Variants in PRR12 observed in about 807,000 individuals in gnomAD.
The protein encoded by PRR12 is proline rich 12, also known as proline-rich protein 12.
Under a neutral mutation model 138.0 loss-of-function variants are expected in PRR12, and 12 were observed. The ratio of observed to expected loss-of-function variants is 0.09; its 90% CI spans 0.06 to 0.14. The LOEUF is 0.14. Ranked by LOEUF, PRR12 falls within the 10% of genes least tolerant of loss-of-function variation. PRR12 has a pLI of 1.00. For missense variants in PRR12, 2,692 were observed against 2,861.3 expected, an observed-to-expected ratio of 0.94 and a Z score of 1.35; for synonymous variants, 1,567 against 1,291.7, an observed-to-expected ratio of 1.21 and a Z score of -4.57.
At chr19:49,604,647 C>T (rs975854883) in intron 6 of PRR12, among the ~76,000 whole-genome samples, 3 of 152,002 alleles carry the variant, frequency 2.0e-5, no homozygotes, top group African/African-American at 4.8e-5. Flanking sequence ...CACTGCACTC[C>T]AGCCTGGGCC....
At chr19:49,612,661 C>T (rs1339105282) in intron 6 of PRR12, among the ~76,000 whole-genome samples, 2 of 151,996 alleles carry the variant, frequency 1.3e-5, no homozygotes, top group African/African-American at 4.8e-5. Flanking sequence ...ATGGCTTCCT[C>T]AAGCTGCTGC....
At position 49,616,625 on chromosome 19, in the gene PRR12, A is replaced by C. The variant is rs937401075; in HGVS notation, c.5497+406A>C. Among the ~76,000 whole-genome samples the C allele has an allele frequency of 2.0e-5, 3 of 152,152 alleles. No homozygotes were observed. The highest frequency in any genetic ancestry group is 7.2e-5 in the African/African-American group (3 of 41,442). On this transcript the variant is annotated intron_variant, in intron 9 of 13. Transcript: ENST00000418929. This position sits in a 1 kb window ranked among gnomAD's most constrained non-coding sequence, Gnocchi z 4.2. ...GGCTGAGGAAGATGTGGGACTAGGC[A>C]GCTGTCCTGGAGGCTCTGTGATGGT...
intron 6 of PRR12, among the ~76,000 whole-genome samples, chr19:49,603,065 C>G (rs2080820584): frequency 6.6e-6 from 1 of 152,244 alleles, no homozygotes; most frequent in Admixed American, 6.5e-5. Flanking sequence ...TCCCATATGG[C>G]AGAGAGCTGG....
Position 49,596,840 on chromosome 19 carries a change from A to ACCACCCCCCCCC in PRR12, c.2507_2508insACCCCCCCCCCC (p.Pro842_Pro845dup). ...CCACCCGCGATGGGGCACCCCAGCC[A>ACCACCCCCCCCC]CCTCCACCGCCACCCCCGCCTCCAC... On this transcript the variant is annotated inframe_insertion, in exon 4 of 14. Coordinates refer to ENST00000418929, the MANE Select transcript of PRR12 (RefSeq NM_020719.3). The surrounding 1 kb of genome is among the most constrained non-coding windows in gnomAD (Gnocchi z 5.6). The ACCACCCCCCCCC allele has an allele frequency of 6.4e-7, 1 of 1,573,740 alleles. No individual in the cohort carries two copies. The highest frequency in any genetic ancestry group is 8.6e-7 in the Non-Finnish European group (1 of 1,166,576).
chr19:49,614,999 G>A lies in PRR12; in HGVS notation c.5014G>A (p.Val1672Met). 6.2e-7 allele frequency: 1 copy of A among 1,613,974 alleles called. No individual in the cohort carries two copies. Among genetic ancestry groups the A allele is most frequent in the Admixed American group, 1.7e-5 (1 of 60,024 alleles). ...TCGGAAACCCTGGCATCGGCCCCCA[G>A]TGCCAGTCAGGTACCAACCATGGGG... is the stretch of plus-strand genomic sequence containing the variant. ...CARKPWHRPP[V>M]PVRRSGQAKN... Residue 1672 changes from valine to methionine, a missense_variant, in exon 8 of 14, where the codon GTG (valine) becomes ATG (methionine). Physicochemically the swap from Val to Met is conservative, Grantham distance 21. Transcript: ENST00000418929. This position sits in a 1 kb window ranked among gnomAD's most constrained non-coding sequence, Gnocchi z 5.0.
Position 49,626,392 on chromosome 19 carries a change from C to T in PRR12, c.*785C>T, listed in dbSNP as rs2080956301. ...TTCTGTACAACTCAACTTGTATACA[C>T]TGTGTACACACAACCAGCCAAACGA... On this transcript the variant is annotated 3_prime_UTR_variant, in exon 14 of 14. Coordinates refer to ENST00000418929, the MANE Select transcript of PRR12 (RefSeq NM_020719.3). 1 of 152,254 alleles carries T rather than the reference C, an allele frequency of 6.6e-6. No homozygotes were observed. The highest frequency in any genetic ancestry group is 1.5e-5 in the Non-Finnish European group (1 of 68,132). The allele number at this position is 152,254 out of a possible 1,614,324, so 9.4% of individuals were successfully genotyped here. A position where few individuals can be genotyped will look rare whatever the true frequency, so the allele number is the denominator to read the frequency against.
chr19:49,612,968 C>G (rs1307412611), intron 6 of PRR12, among the ~76,000 whole-genome samples: 2 of 151,954 alleles, frequency 1.3e-5, no homozygotes, highest in Admixed American at 6.6e-5. Flanking sequence ...GCCTGGCCCC[C>G]CTTTTAAAGA....
chr19:49,623,375 C>T (rs1447021030), intron 11 of PRR12, among the ~76,000 whole-genome samples: 31 of 151,768 alleles, frequency 2.0e-4, no homozygotes, highest in Non-Finnish European at 2.1e-4. Context: ...TTGGTAATCC[C>T]AGCACTCTAG....
Position 49,595,325 on chromosome 19 carries a change from C to A in PRR12, c.990C>A (p.Ala330=). The A allele has an allele frequency of 3.9e-6, 6 of 1,544,788 alleles. No individual in the cohort carries two copies. The highest frequency in any genetic ancestry group is 4.4e-6 in the Non-Finnish European group (5 of 1,145,630). Residue 330 remains alanine, a synonymous_variant, in exon 4 of 14, where the codon GCC becomes GCA. Coordinates refer to ENST00000418929, the MANE Select transcript of PRR12 (RefSeq NM_020719.3). ...CCATGGGCCACCGGGCCAACCTGGCCTGCAGCCCCCTGGGTGGTGGGGAGC... is the reference window on the plus strand; with the variant it reads ...CCATGGGCCACCGGGCCAACCTGGCATGCAGCCCCCTGGGTGGTGGGGAGC... ...YPSMGHRANL[A]CSPLGGGEPS... is the part of the protein sequence containing the mutation.
chr19:49,597,330 T>C lies in PRR12; in HGVS notation c.2995T>C (p.Ser999Pro). The change falls in exon 4 of 14, where the codon TCG becomes CCG. Residue 999 changes from serine (S) to proline (P), a missense_variant. By Grantham distance (74) the Ser-to-Pro change is moderately conservative. Coordinates refer to ENST00000418929, the MANE Select transcript of PRR12 (RefSeq NM_020719.3). The surrounding 1 kb of genome is among the most constrained non-coding windows in gnomAD (Gnocchi z 6.3). ...PYGPYCPGRA[S>P]GAGPETPGLG... ...TGGGCCCTACTGTCCTGGCCGGGCGTCGGGAGCCGGGCCCGAGACACCGGG... is the reference window on the plus strand; with the variant it reads ...TGGGCCCTACTGTCCTGGCCGGGCGCCGGGAGCCGGGCCCGAGACACCGGG... 6.5e-7 allele frequency: 1 copy of C among 1,544,354 alleles called. No individual in the cohort carries two copies. The highest frequency in any genetic ancestry group is 1.2e-5 in the South Asian group (1 of 84,288).
chr19:49,623,408 G>A (rs1202265018), intron 11 of PRR12, among the ~76,000 whole-genome samples: 3 of 151,988 alleles, frequency 2.0e-5, no homozygotes, highest in Non-Finnish European at 4.4e-5. Flanking sequence ...GGTGGATCAC[G>A]AGGTCAGGAG....
chr19:49,621,597 G>A lies in PRR12; in HGVS notation c.5696G>A (p.Arg1899Gln), dbSNP rs761656089. The A allele has an allele frequency of 3.4e-5, 54 of 1,599,672 alleles. No individual in the cohort carries two copies. The highest frequency in any genetic ancestry group is 4.4e-5 in the Non-Finnish European group (52 of 1,173,740). Reference protein sequence around the residue: ...LNEHKKKVLKRLSLSPALQDA... With the variant: ...LNEHKKKVLKQLSLSPALQDA... ...GAGCACAAGAAGAAAGTCCTGAAGC[G>A]GCTGTCGCTAAGCCCAGCCCTGCAG... The change falls in exon 11 of 14, where the codon CGG (arginine) becomes CAG (glutamine). Residue 1899 changes from arginine to glutamine, a missense_variant. Arg to Gln is a conservative substitution (Grantham distance 43). Transcript: ENST00000418929.
chr19:49,601,581 A>G lies in PRR12; in HGVS notation c.4436A>G (p.Gln1479Arg). ...CCTCCGCCACCCCCTCCGCCGCCAC[A>G]GCCAGCCCTGCCCTCGCCACCCCCG... ...PQPPPPPPPP[Q>R]PALPSPPPLV... Residue 1479 changes from glutamine to arginine, a missense_variant, in exon 6 of 14, where the codon CAG becomes CGG. Gln to Arg is a conservative substitution (Grantham distance 43). This residue lies in a region of PRR12 where 231 missense variants were observed against 200.8 expected (regional missense o/e 1.15). Coordinates refer to ENST00000418929, the MANE Select transcript of PRR12 (RefSeq NM_020719.3). 1 of 1,499,984 alleles carries G rather than the reference A, an allele frequency of 6.7e-7. No homozygotes were observed. Among genetic ancestry groups the G allele is most frequent in the Non-Finnish European group, 8.9e-7 (1 of 1,123,226 alleles). 92.9% of individuals were successfully genotyped at this position (1,499,984 alleles called of 1,614,324 possible). A position where few individuals can be genotyped will look rare whatever the true frequency, so the allele number is the denominator to read the frequency against.
intron 5 of PRR12, among the ~76,000 whole-genome samples, chr19:49,600,546 G>A (rs2122313351): frequency 1.3e-5 from 2 of 151,806 alleles, no homozygotes; most frequent in East Asian, 3.9e-4. Flanking sequence ...AGCACACTTT[G>A]GGAGGCTGAG....
Position 49,595,318 on chromosome 19 carries a change from A to G in PRR12, c.983A>G (p.Asn328Ser). The change falls in exon 4 of 14, where the codon AAC becomes AGC. Residue 328 changes from asparagine (N) to serine (S), a missense_variant. This residue lies in a region of PRR12 where 523 missense variants were observed against 496.4 expected (regional missense o/e 1.05). Transcript: ENST00000418929. The part of the protein sequence containing the change: ...GSYPSMGHRA[N>S]LACSPLGGGE... Reference sequence around the variant, plus strand: ...TACCCCTCCATGGGCCACCGGGCCAACCTGGCCTGCAGCCCCCTGGGTGGT... The same window carrying G: ...TACCCCTCCATGGGCCACCGGGCCAGCCTGGCCTGCAGCCCCCTGGGTGGT... The G allele has an allele frequency of 6.5e-7, 1 of 1,545,114 alleles. No homozygotes were observed. Among genetic ancestry groups the G allele is most frequent in the Non-Finnish European group, 8.7e-7 (1 of 1,145,936 alleles).
chr19:49,601,639 A>G lies in PRR12; in HGVS notation c.4494A>G (p.Pro1498=), dbSNP rs2080811300. The G allele has an allele frequency of 7.8e-6, 12 of 1,529,594 alleles. No homozygotes were observed. The highest frequency in any genetic ancestry group is 2.5e-5 in the East Asian group (1 of 40,544). The allele number at this position is 1,529,594 out of a possible 1,614,324, so 94.8% of individuals were successfully genotyped here. The change falls in exon 6 of 14, where the codon CCA becomes CCG. Residue 1498 remains proline, a synonymous_variant. Transcript: ENST00000418929. ...LVAPTPSSPP[P]PPLPPPPPPA... The stretch of plus-strand genomic sequence containing the variant: ...CCCCCACGCCCAGCTCACCACCGCC[A>G]CCGCCGCTGCCGCCGCCACCTCCAC...
At position 49,611,909 on chromosome 19, in the gene PRR12, C is replaced by A. The variant is rs369681170; in HGVS notation, c.4774-2624C>A. ...CTGCACTCCAGCCTGGGCGACAGAGCGAGACTCCGTCTCAAAAAAAAAAAA... is the reference window on the plus strand; with the variant it reads ...CTGCACTCCAGCCTGGGCGACAGAGAGAGACTCCGTCTCAAAAAAAAAAAA... On this transcript the variant is annotated intron_variant, in intron 6 of 13. Transcript: ENST00000418929. 2.1e-3 allele frequency among the ~76,000 whole-genome samples: 171 copies of A among 79,644 alleles called. 4 individuals carry two copies. Among genetic ancestry groups the A allele is most frequent in the African/African-American group, 9.7e-3 (161 of 16,526 alleles). The allele number at this position is 79,644 out of a possible 152,430, so 52.2% of individuals were successfully genotyped here.
Position 49,596,448 on chromosome 19 carries a change from C to T in PRR12, c.2113C>T (p.Arg705Cys), listed in dbSNP as rs759069592. 1.6e-4 allele frequency: 253 copies of T among 1,610,970 alleles called. 1 individual carries two copies. Among genetic ancestry groups the T allele is most frequent in the Non-Finnish European group, 3.8e-5 (45 of 1,179,458 alleles). The change falls in exon 4 of 14, where the codon CGC (arginine) becomes TGC (cysteine). Residue 705 changes from arginine (R) to cysteine (C), a missense_variant. By Grantham distance (180) the Arg-to-Cys change is radical (BLOSUM62 -3). Coordinates refer to ENST00000418929, the MANE Select transcript of PRR12 (RefSeq NM_020719.3). The surrounding 1 kb of genome is among the most constrained non-coding windows in gnomAD (Gnocchi z 5.6). ...PQRYHLQSVI[R>C]TSASLDEGAT... Reference sequence around the variant, plus strand: ...GAGGTACCACCTGCAGAGTGTCATCCGCACCAGTGCCAGCCTGGATGAGGG... The same window carrying T: ...GAGGTACCACCTGCAGAGTGTCATCTGCACCAGTGCCAGCCTGGATGAGGG...
At position 49,616,808 on chromosome 19, in the gene PRR12, C is replaced by CA. The variant is rs1373295110; in HGVS notation, c.5497+590dup. ...CTGTCTACTCCATGTCTGCCCAGCA[C>CA]ACTGCCACATCCTCAGTGCTTATGA... is the stretch of plus-strand genomic sequence containing the variant. On this transcript the variant is annotated intron_variant, in intron 9 of 13. Transcript: ENST00000418929. This position sits in a 1 kb window ranked among gnomAD's most constrained non-coding sequence, Gnocchi z 4.2. 6.6e-6 allele frequency among the ~76,000 whole-genome samples: 1 copy of CA among 152,194 alleles called. No individual in the cohort carries two copies. Among genetic ancestry groups the CA allele is most frequent in the Admixed American group, 6.5e-5 (1 of 15,276 alleles).
Sources: allele counts gnomAD v4.1 joint callset (sites outside exome capture counted in the v4.1 genomes callset), GRCh38; gene constraint gnomAD v4.1.1; regional missense constraint gnomAD v4.1.1; non-coding constraint Gnocchi (gnomAD v3.1); transcripts MANE v1.5; gene names NCBI Gene and HGNC (gene_info 2026-07-23, HGNC 2026-07-21).